The following TMC7 variants were observed in gnomAD, a reference collection of about 807,000 sequenced individuals.
TMC7 encodes transmembrane channel-like protein 7.
TMC7 carries 54 observed loss-of-function variants against 82.9 expected under a neutral mutation model. The ratio of observed to expected loss-of-function variants is 0.65; its 90% confidence interval spans 0.52 to 0.82. The LOEUF is 0.82. Ranked by LOEUF, TMC7 falls within the 40% of genes least tolerant of loss-of-function variation. The pLI, the probability that TMC7 is intolerant of heterozygous loss-of-function variation, is 0.00. For missense variants in TMC7, 820 were observed against 901.2 expected (o/e 0.91, Z 1.15); for synonymous variants, 350 against 337.9 (o/e 1.04, Z -0.39).
chr16:19,027,669 C>T (rs1596761515), intron 5 of TMC7, among the ~76,000 whole-genome samples: 1 of 152,074 alleles, frequency 6.6e-6, no homozygotes, highest in African/African-American at 2.4e-5. Context: ...TGGTTGGACA[C>T]GTTTTTATGG....
chr16:19,045,659 C>T (rs964547626), intron 11 of TMC7, among the ~76,000 whole-genome samples: 9 of 140,498 alleles, frequency 6.4e-5, no homozygotes, highest in African/African-American at 2.1e-4. Context: ...TGCAGTGGCG[C>T]GATCTTGGCT....
At position 19,016,618 on chromosome 16, in the gene TMC7, C is replaced by T. The variant is rs1269117302; in HGVS notation, c.460+20C>T. The T allele has an allele frequency of 1.9e-6, 3 of 1,610,156 alleles. No homozygotes were observed. Among genetic ancestry groups the T allele is most frequent in the Non-Finnish European group, 2.5e-6 (3 of 1,178,540 alleles). Reference sequence around the variant, plus strand: ...TAGAAGGTATGCTGTCCTCACCTCTCTGCAGGCTCCTCCGCAGAAGTCTGT... The same window carrying T: ...TAGAAGGTATGCTGTCCTCACCTCTTTGCAGGCTCCTCCGCAGAAGTCTGT... On this transcript the variant is annotated intron_variant, in intron 3 of 15. Coordinates refer to ENST00000304381, the MANE Select transcript of TMC7 (RefSeq NM_024847.4).
At chr16:18,998,456 A>G (rs899216750) in intron 1 of TMC7, among the ~76,000 whole-genome samples, 5 of 152,158 alleles carry the variant, frequency 3.3e-5, no homozygotes, top group Admixed American at 6.6e-5. Flanking sequence ...CTCCACGGGC[A>G]TGAAAAGCAG....
Position 18,997,626 on chromosome 16 carries a change from C to G in TMC7, c.68-11546C>G, listed in dbSNP as rs186217991. Among the ~76,000 whole-genome samples, 142 of 152,094 alleles carry G rather than the reference C, an allele frequency of 9.3e-4. No homozygotes were observed. In the East Asian group the frequency reaches 0.023, roughly 24 times the overall value. ...CTCAGGTGATCCAGCCACCTCTGGC[C>G]TCCAAAGTGCTGGGATTGAGCCACC... On this transcript the variant is annotated intron_variant, in intron 1 of 15. Coordinates refer to ENST00000304381, the MANE Select transcript of TMC7 (RefSeq NM_024847.4).
chr16:18,990,418 C>T (rs2038929649), intron 1 of TMC7, among the ~76,000 whole-genome samples: 1 of 152,144 alleles, frequency 6.6e-6, no homozygotes, highest in African/African-American at 2.4e-5. Context: ...CCTCAGCTTC[C>T]CGAGTAGCTG....
intron 12 of TMC7, among the ~76,000 whole-genome samples, chr16:19,049,142 G>A (rs1273632744): frequency 1.3e-5 from 2 of 152,108 alleles, no homozygotes; most frequent in Non-Finnish European, 2.9e-5. Context: ...TTGTGCCTCA[G>A]CCTCTTGAGC....
intron 1 of TMC7, among the ~76,000 whole-genome samples, chr16:18,986,843 C>T (rs575297031): frequency 3.3e-5 from 5 of 151,664 alleles, no homozygotes; most frequent in East Asian, 1.9e-4. Context: ...CTTACTCTGT[C>T]GCCCAGGCTG....
At chr16:19,016,631 C>T (rs548383452) in intron 3 of TMC7, 33 bp downstream of exon 3, 20 of 1,603,046 alleles carry the variant, frequency 1.2e-5, no homozygotes, top group East Asian at 2.2e-5. Flanking sequence ...CAGGCTCCTC[C>T]GCAGAAGTCT....
chr16:18,998,954 C>A (rs1199680240), intron 1 of TMC7, among the ~76,000 whole-genome samples: 1 of 152,176 alleles, frequency 6.6e-6, no homozygotes, highest in East Asian at 1.9e-4. Flanking sequence ...GTTACAAAGT[C>A]TAGCAGATCC....
rs1026741853 is a variant in TMC7, at chr16:19,019,759, G to T, written c.461-1870G>T. On this transcript the variant is annotated intron_variant, in intron 3 of 15. Transcript: ENST00000304381. ...AAGTGGCTTGTGTGGTAGACGGTAG[G>T]TTCTCCCTGGGAACCGGGATTTTGA... Among the ~76,000 whole-genome samples the T allele has an allele frequency of 6.6e-5, 10 of 152,210 alleles. No individual in the cohort carries two copies. In the South Asian group the frequency reaches 1.0e-3, roughly 16 times the overall value.
At chr16:19,049,590 A>G (rs1444081319) in intron 12 of TMC7, 2 of 982,204 alleles carry the variant, frequency 2.0e-6, no homozygotes, top group Admixed American at 1.2e-4. Context: ...GCTCACAGGA[A>G]CTTTTTTTTC....
At chr16:18,995,726 G>A (rs543006851) in intron 1 of TMC7, among the ~76,000 whole-genome samples, 3 of 152,276 alleles carry the variant, frequency 2.0e-5, no homozygotes, top group African/African-American at 2.4e-5. Context: ...TCAGAAATAC[G>A]TTGCTACTTG....
intron 1 of TMC7, among the ~76,000 whole-genome samples, chr16:18,987,699 TGC>T (rs1177311224): frequency 6.6e-6 from 1 of 152,192 alleles, no homozygotes; most frequent in East Asian, 1.9e-4. Flanking sequence ...ACACAGCAGA[TGC>T]TACATCTATT....
At chr16:18,996,060 G>T in intron 1 of TMC7, among the ~76,000 whole-genome samples, 1 of 152,176 alleles carries the variant, frequency 6.6e-6, no homozygotes, top group Non-Finnish European at 1.5e-5. Flanking sequence ...AGAGGAAATT[G>T]TTGGGCAGGT....
intron 3 of TMC7, 149 bp from the exon 4 acceptor site, chr16:19,021,480 T>C: frequency 1.3e-6 from 1 of 792,778 alleles, no homozygotes; most frequent in Non-Finnish European, 2.0e-6. Flanking sequence ...AGATCGAGTC[T>C]TAAAGCTAAC....
intron 3 of TMC7, among the ~76,000 whole-genome samples, chr16:19,017,675 T>TTC (rs1260189016): frequency 6.8e-6 from 1 of 146,334 alleles, no homozygotes; most frequent in East Asian, 2.0e-4. Flanking sequence ...CAGTTTTTTT[T>TTC]TTTTTTTTTT....
Position 19,063,230 on chromosome 16 carries a change from A to C in TMC7, c.*1387A>C, listed in dbSNP as rs2142335176. On this transcript the variant is annotated 3_prime_UTR_variant, in exon 16 of 16. Coordinates refer to ENST00000304381, the MANE Select transcript of TMC7 (RefSeq NM_024847.4). ...TAACTGGTGTCATGGAATTTTGAGT[A>C]ACCAAAGATTCATTCCAGTCTCACT... The C allele has an allele frequency of 6.6e-6, 1 of 152,284 alleles. No individual in the cohort carries two copies. Among genetic ancestry groups the C allele is most frequent in the Middle Eastern group, 3.4e-3 (1 of 294 alleles). 9.4% of individuals were successfully genotyped at this position (152,284 alleles called of 1,614,324 possible). A position where few individuals can be genotyped will look rare whatever the true frequency, so the allele number is the denominator to read the frequency against.
chr16:19,052,216 C>T (rs1261301107), intron 13 of TMC7, among the ~76,000 whole-genome samples: 1 of 152,074 alleles, frequency 6.6e-6, no homozygotes, highest in African/African-American at 2.4e-5. Flanking sequence ...ACAGGCGTGA[C>T]GCACTGTGCC....
At chr16:19,028,055 C>T (rs1200139668) in intron 5 of TMC7, among the ~76,000 whole-genome samples, 4 of 152,134 alleles carry the variant, frequency 2.6e-5, no homozygotes, top group Non-Finnish European at 5.9e-5. Context: ...TTTTAGTGTT[C>T]TAGCCCAATC....
Sources: gnomAD v4.1 joint callset for allele counts (sites outside exome capture counted in the v4.1 genomes callset) on GRCh38, gnomAD v4.1.1 for gene constraint, MANE v1.5 for transcripts, NCBI Gene and HGNC (gene_info 2026-07-23, HGNC 2026-07-21) for gene names.